ERMP1: variants seen among roughly 807,000 people sequenced by gnomAD.
ERMP1 encodes endoplasmic reticulum metallopeptidase 1.
Under a neutral mutation model 92.0 loss-of-function variants are expected in ERMP1, and 86 were observed. The ratio of observed to expected loss-of-function variants is 0.93; its 90% CI spans 0.79 to 1.12. The LOEUF (loss-of-function observed/expected upper bound fraction) is 1.12, where lower values mean the gene tolerates loss of function less well. ERMP1 is among the 50% of genes most tolerant of loss of function. ERMP1 has a pLI of 0.00. For missense variants in ERMP1, 1,342 were observed against 1,116.3 expected (o/e 1.20, Z -2.88); for synonymous variants, 530 against 412.8 (o/e 1.28, Z -3.44).
chr9:5,866,899 C>A (rs1247388772), intron 5 of ERMP1, among the ~76,000 whole-genome samples: 2 of 152,088 alleles, frequency 1.3e-5, no homozygotes, highest in South Asian at 2.1e-4. Context: ...TAAAATGGGA[C>A]TGGTAATAAG....
chr9:5,861,414 GTTT>G (rs144100989), intron 5 of ERMP1, among the ~76,000 whole-genome samples: 4 of 151,088 alleles, frequency 2.6e-5, no homozygotes, highest in African/African-American at 7.3e-5. Flanking sequence ...TACTTGCTGG[GTTT>G]TTTTTTACTA....
At chr9:5,821,532 A>G (rs1460301477) in intron 4 of ERMP1, among the ~76,000 whole-genome samples, 2 of 152,244 alleles carry the variant, frequency 1.3e-5, no homozygotes, top group Admixed American at 6.5e-5. Context: ...ATAAATGTAA[A>G]TAAGTAATGT....
At chr9:5,812,714 A>T in intron 5 of ERMP1, 175 bp downstream of exon 5, 2 of 714,640 alleles carry the variant, frequency 2.8e-6, no homozygotes, top group Non-Finnish European at 4.8e-6. Flanking sequence ...GCCAGCATTT[A>T]AATTAGTATG....
chr9:5,805,242 C>G lies in ERMP1; in HGVS notation c.1724-25G>C, dbSNP rs1051976378. 7.1e-6 allele frequency: 11 copies of G among 1,558,734 alleles called. No homozygotes were observed. In the African/African-American group the frequency reaches 1.5e-4, roughly 22 times the overall value. Reference sequence around the variant, plus strand: ...CCTAGGGAAAAAGAGAAAAAAAGCACACATCTATGAAATCCTCCAGTGAGA... The same window carrying G: ...CCTAGGGAAAAAGAGAAAAAAAGCAGACATCTATGAAATCCTCCAGTGAGA... On this transcript the variant is annotated intron_variant, in intron 9 of 14. Transcript: ENST00000339450.
rs759981818 is a variant in ERMP1, at chr9:5,832,989, G to C, written c.39C>G (p.His13Gln). The change falls in exon 1 of 15, where the codon CAC (histidine) becomes CAG (glutamine). Residue 13 changes from histidine (H) to glutamine (Q), a missense_variant. His to Gln is a conservative substitution (Grantham distance 24). Coordinates refer to ENST00000339450, the MANE Select transcript of ERMP1 (RefSeq NM_024896.3). ...WGSESAAVRRHRVGVERREGA... is the reference protein window; with the variant it reads ...WGSESAAVRRQRVGVERREGA... ...CCTCTCGACGCTCTACTCCGACGCG[G>C]TGCCGCCTCACAGCAGCCGACTCAG... is the stretch of plus-strand genomic sequence containing the variant. The C allele has an allele frequency of 3.8e-6, 6 of 1,559,946 alleles. No individual in the cohort carries two copies. The East Asian group carries it at 1.3e-4, about 33-fold the overall frequency.
intron 13 of ERMP1, among the ~76,000 whole-genome samples, chr9:5,795,609 C>T (rs1828391942): frequency 6.6e-6 from 1 of 152,052 alleles, no homozygotes; most frequent in Non-Finnish European, 1.5e-5. Context: ...GAAACCCTGT[C>T]TCTACTAAAA....
intron 10 of ERMP1, among the ~76,000 whole-genome samples, chr9:5,802,758 G>GA (rs556128790): frequency 1.5e-3 from 236 of 152,334 alleles, no homozygotes; most frequent in African/African-American, 5.5e-3. Context: ...CTGATTGAAT[G>GA]ACAGGGGAAA....
Position 5,809,996 on chromosome 9 carries a change from A to G in ERMP1, c.1548+15T>C. The G allele has an allele frequency of 1.3e-6, 2 of 1,530,690 alleles. No homozygotes were observed. The highest frequency in any genetic ancestry group is 1.8e-6 in the Non-Finnish European group (2 of 1,106,538). The allele number at this position is 1,530,690 out of a possible 1,614,324, so 94.8% of individuals were successfully genotyped here. ...AGGCAACAGAAAGAAATCAACAAAT[A>G]TACCAAACACTTACCATGTAATAAA... is the stretch of plus-strand genomic sequence containing the variant. On this transcript the variant is annotated intron_variant, in intron 8 of 14. Coordinates refer to ENST00000339450, the MANE Select transcript of ERMP1 (RefSeq NM_024896.3).
Position 5,813,052 on chromosome 9 carries a change from C to T in ERMP1, c.875-17G>A. ...TTTCAGGACCTAAAATGAAAGATGA[C>T]AACACAATAGAAGGTATTCCGGCAA... On this transcript the variant is annotated splice_polypyrimidine_tract_variant and intron_variant, in intron 4 of 14. Coordinates refer to ENST00000339450, the MANE Select transcript of ERMP1 (RefSeq NM_024896.3). The T allele has an allele frequency of 6.2e-7, 1 of 1,611,370 alleles. No individual in the cohort carries two copies.
chr9:5,790,195 CCT>C (rs986577637), intron 13 of ERMP1, among the ~76,000 whole-genome samples: 15 of 143,654 alleles, frequency 1.0e-4, no homozygotes, highest in Non-Finnish European at 2.0e-4. Context: ...TTTTTTTTCC[CCT>C]GAGACGGAGT....
intron 1 of ERMP1, 33 bp from the exon 2 acceptor site, chr9:5,831,061 T>G (rs201669488): frequency 1.3e-6 from 2 of 1,571,418 alleles, no homozygotes; most frequent in Non-Finnish European, 1.7e-6. Flanking sequence ...CAAAGGTTTG[T>G]AGTTAAAATT....
chr9:5,800,189 A>G (rs1041948785), intron 11 of ERMP1, among the ~76,000 whole-genome samples: 1 of 152,254 alleles, frequency 6.6e-6, no homozygotes, highest in African/African-American at 2.4e-5. Flanking sequence ...ACAATATGTT[A>G]GTATGTGTTC....
At chr9:5,797,378 G>C (rs1828473791) in intron 13 of ERMP1, among the ~76,000 whole-genome samples, 1 of 150,908 alleles carries the variant, frequency 6.6e-6, no homozygotes, top group Admixed American at 6.6e-5. Flanking sequence ...GGCCGGGCGT[G>C]GTGGCTCATA....
upstream of ERMP1, among the ~76,000 whole-genome samples, chr9:5,835,358 G>A (rs186067837): frequency 1.8e-3 from 269 of 149,744 alleles, no homozygotes; most frequent in Non-Finnish European, 3.0e-3. Flanking sequence ...GAACGCGCGC[G>A]CGCATGTGTG....
intron 4 of ERMP1, among the ~76,000 whole-genome samples, chr9:5,817,719 T>C (rs1425614019): frequency 6.6e-6 from 1 of 152,106 alleles, no homozygotes; most frequent in East Asian, 1.9e-4. Context: ...TCAGAGGAGG[T>C]AGGCCTCAGT....
intron 10 of ERMP1, among the ~76,000 whole-genome samples, chr9:5,803,660 A>G (rs1028619245): frequency 2.0e-5 from 3 of 152,190 alleles, no homozygotes; most frequent in South Asian, 2.1e-4. Flanking sequence ...TATAGATAAC[A>G]AAAGTCCACT....
rs528896004 is a variant in ERMP1, at chr9:5,847,775, G to C, written n.3199+11693C>G. 2.9e-4 allele frequency among the ~76,000 whole-genome samples: 44 copies of C among 151,872 alleles called. No homozygotes were observed. In the South Asian group the frequency reaches 8.5e-3, roughly 29 times the overall value. On this transcript the variant is annotated intron_variant and non_coding_transcript_variant, in intron 6 of 6. Coordinates refer to the ERMP1 transcript ENST00000690753. Reference sequence around the variant, plus strand: ...CCGGGCGTGGTGGCAGGCGCCTGTAGTCCCAGCTACTCGGGAGGCTGAGGC... The same window carrying C: ...CCGGGCGTGGTGGCAGGCGCCTGTACTCCCAGCTACTCGGGAGGCTGAGGC...
upstream of ERMP1, among the ~76,000 whole-genome samples, chr9:5,836,125 G>A (rs531861812): frequency 6.6e-6 from 1 of 152,216 alleles, no homozygotes; most frequent in Non-Finnish European, 1.5e-5. Flanking sequence ...TGTCCCTTCT[G>A]TCTTGCCATC....
At chr9:5,809,414 C>T (rs1246059454) in intron 8 of ERMP1, among the ~76,000 whole-genome samples, 47 of 152,188 alleles carry the variant, frequency 3.1e-4, no homozygotes, top group Non-Finnish European at 2.2e-4. Context: ...ATTTGGAACC[C>T]TATTTCCCTT....
Sources: allele counts gnomAD v4.1 joint callset (sites outside exome capture counted in the v4.1 genomes callset), GRCh38; gene constraint gnomAD v4.1.1; transcripts MANE v1.5; gene names NCBI Gene and HGNC (gene_info 2026-07-23, HGNC 2026-07-21).